The following SGCZ variants were observed in gnomAD, a reference collection of about 807,000 sequenced individuals.
SGCZ encodes the protein zeta-sarcoglycan.
A neutral mutation model predicts 41.3 loss-of-function variants in SGCZ; 40 were observed. The observed-to-expected ratio is 0.97, with a 90% confidence interval of 0.75 to 1.26. The LOEUF is 1.26. SGCZ is among the 50% of genes most tolerant of loss of function. The pLI is 0.00. For missense variants in SGCZ, 552 were observed against 369.8 expected (o/e 1.49, Z -4.04); for synonymous variants, 206 against 137.5 (o/e 1.50, Z -3.49).
At chr8:15,176,621 A>C (rs1468275886) in intron 1 of SGCZ, among the ~76,000 whole-genome samples, 2 of 152,230 alleles carry the variant, frequency 1.3e-5, no homozygotes, top group South Asian at 4.1e-4. Flanking sequence ...TAAATCCAAT[A>C]ATTGAAAATA....
At chr8:14,125,414 G>C (rs996993691) in intron 5 of SGCZ, among the ~76,000 whole-genome samples, 2 of 151,452 alleles carry the variant, frequency 1.3e-5, no homozygotes, top group Non-Finnish European at 2.9e-5. Context: ...TGAGGCAGGA[G>C]AATGGCGTGA....
intron 1 of SGCZ, among the ~76,000 whole-genome samples, chr8:14,735,213 T>C (rs939340030): frequency 5.3e-5 from 8 of 152,144 alleles, no homozygotes; most frequent in African/African-American, 1.9e-4. Flanking sequence ...GTCAACTTGA[T>C]TGGATTAAAG....
At chr8:14,205,070 G>A (rs989261133) in intron 4 of SGCZ, among the ~76,000 whole-genome samples, 1 of 151,898 alleles carries the variant, frequency 6.6e-6, no homozygotes, top group African/African-American at 2.4e-5. Context: ...TATACTATTG[G>A]TTTTCTCTCT....
At position 15,199,448 on chromosome 8, in the gene SGCZ, C is replaced by T. The variant is rs577311639; in HGVS notation, c.39+38137G>A. Among the ~76,000 whole-genome samples, 3 of 152,180 alleles carry T rather than the reference C, an allele frequency of 2.0e-5. 1 individual carries two copies. In the South Asian group the frequency reaches 6.2e-4, roughly 32 times the overall value. ...ATTTGTGTAATAAAGTTGAGCGATA[C>T]CATTACTTATGAGATTCGAATGATC... On this transcript the variant is annotated intron_variant, in intron 1 of 7. Transcript: ENST00000382080.
intron 2 of SGCZ, among the ~76,000 whole-genome samples, chr8:14,515,798 C>G (rs1335354573): frequency 6.6e-6 from 1 of 152,050 alleles, no homozygotes; most frequent in African/African-American, 2.4e-5. Flanking sequence ...GCACCTTTGC[C>G]TACATCATTT....
chr8:14,644,838 G>A (rs376345713), intron 1 of SGCZ, among the ~76,000 whole-genome samples: 35 of 151,542 alleles, frequency 2.3e-4, no homozygotes, highest in African/African-American at 7.7e-4. Context: ...TTTAAGTTAT[G>A]GGGAAATTAG....
intron 1 of SGCZ, among the ~76,000 whole-genome samples, chr8:15,129,676 T>A (rs1287078330): frequency 1.5e-5 from 2 of 134,244 alleles, no homozygotes; most frequent in Non-Finnish European, 3.1e-5. Flanking sequence ...AGCCACAAGG[T>A]CCCGTTCGGG....
chr8:14,772,138 G>A (rs1800261555), intron 1 of SGCZ, among the ~76,000 whole-genome samples: 1 of 152,082 alleles, frequency 6.6e-6, no homozygotes, highest in African/African-American at 2.4e-5. Context: ...AATAAAATAA[G>A]CTTTGTGTTA....
At chr8:14,293,303 A>G (rs1800902635) in intron 3 of SGCZ, among the ~76,000 whole-genome samples, 1 of 152,070 alleles carries the variant, frequency 6.6e-6, no homozygotes, top group African/African-American at 2.4e-5. Context: ...TCTGCCACAC[A>G]TGAATGCCAT....
chr8:14,485,657 G>C (rs1342778614), intron 2 of SGCZ, among the ~76,000 whole-genome samples: 3 of 152,082 alleles, frequency 2.0e-5, no homozygotes, highest in Non-Finnish European at 4.4e-5. Flanking sequence ...TGAGGACAGG[G>C]CAAGAAGGGT....
At chr8:14,446,450 T>C (rs1800434672) in intron 2 of SGCZ, among the ~76,000 whole-genome samples, 2 of 152,194 alleles carry the variant, frequency 1.3e-5, no homozygotes, top group South Asian at 4.1e-4. Flanking sequence ...CAAATGACAA[T>C]TCTCTGATTC....
intron 3 of SGCZ, among the ~76,000 whole-genome samples, chr8:14,300,116 T>C (rs1333451334): frequency 6.6e-6 from 1 of 151,964 alleles, no homozygotes; most frequent in Non-Finnish European, 1.5e-5. Context: ...CTTTAGGAAA[T>C]AGCAACATTT....
intron 1 of SGCZ, among the ~76,000 whole-genome samples, chr8:14,772,596 A>G (rs1800279730): frequency 9.6e-6 from 1 of 104,678 alleles, no homozygotes; most frequent in South Asian, 3.5e-4. Flanking sequence ...ACCCCACAAC[A>G]ATCCCCAGAG....
rs1804149316 is a variant in SGCZ at position 14,164,582 on chromosome 8, G to GTAAC, written c.541_544dup (p.Thr182SerfsTer5). On this transcript the variant is annotated frameshift_variant, in exon 5 of 8. Transcript: ENST00000382080. LOFTEE classifies it high-confidence loss of function. ...TTCAAGACCTCCATCTACAGTACCT[G>GTAAC]TAACTTTCAGCTTTTCAGCCCCAAT... 1 of 1,613,140 alleles carries GTAAC rather than the reference G, an allele frequency of 6.2e-7. No homozygotes were observed. Among genetic ancestry groups the GTAAC allele is most frequent in the African/African-American group, 1.3e-5 (1 of 74,854 alleles).
intron 4 of SGCZ, among the ~76,000 whole-genome samples, chr8:14,175,839 G>C (rs942520182): frequency 1.3e-5 from 2 of 151,964 alleles, no homozygotes; most frequent in Non-Finnish European, 2.9e-5. Context: ...TATCACACAA[G>C]ACTAAAACAT....
chr8:15,159,748 CCCCA>C (rs1799454161), intron 1 of SGCZ, among the ~76,000 whole-genome samples: 3 of 54,924 alleles, frequency 5.5e-5, no homozygotes, highest in Admixed American at 2.1e-4. Flanking sequence ...CCACCCTCCC[CCCCA>C]CCCCCGCCAC....
chr8:14,652,461 G>C (rs1002128382), intron 1 of SGCZ, among the ~76,000 whole-genome samples: 6 of 151,732 alleles, frequency 4.0e-5, no homozygotes, highest in Non-Finnish European at 8.8e-5. Flanking sequence ...GTATTTCCCA[G>C]TTAAGTAGGT....
rs141515971 is a variant in SGCZ, at chr8:14,963,547, C to A, written c.39+274038G>T. ...ATTTTTAGTACGGACAGGGTTTCAA[C>A]ATGTTGCCCAGGCTGGTTTCGAACA... is the stretch of plus-strand genomic sequence containing the variant. On this transcript the variant is annotated intron_variant, in intron 1 of 7. Coordinates refer to ENST00000382080, the MANE Select transcript of SGCZ (RefSeq NM_139167.4). Among the ~76,000 whole-genome samples, 1,026 of 152,156 alleles carry A rather than the reference C, an allele frequency of 6.7e-3. 13 individuals are homozygous for A. The highest frequency in any genetic ancestry group is 0.023 in the African/African-American group (938 of 41,524).
In SGCZ at chr8:14,770,184, G is replaced by C. The variant is rs886270188; in HGVS notation, c.40-215258C>G. ...CAGATATTCACGTAATTGTTTTTGA[G>C]ATATTCATTACATAAGATTGTTTAA... On this transcript the variant is annotated intron_variant, in intron 1 of 7. Coordinates refer to ENST00000382080, the MANE Select transcript of SGCZ (RefSeq NM_139167.4). Among the ~76,000 whole-genome samples, 5 of 150,628 alleles carry C rather than the reference G, an allele frequency of 3.3e-5. No homozygotes were observed. The South Asian group carries it at 1.0e-3, about 31-fold the overall frequency.
Sources: allele counts gnomAD v4.1 joint callset (sites outside exome capture counted in the v4.1 genomes callset), GRCh38; gene constraint gnomAD v4.1.1; transcripts MANE v1.5; gene names NCBI Gene and HGNC (gene_info 2026-07-23, HGNC 2026-07-21).